The following MGLL variants were observed in gnomAD, a reference collection of about 807,000 sequenced individuals.
MGLL encodes the protein monoglyceride lipase.
In MGLL, 7 loss-of-function variants were observed where a neutral mutation model predicts 29.1. The observed-to-expected ratio is 0.24, with a 90% CI of 0.14 to 0.45. MGLL has a LOEUF of 0.45. MGLL is among the 20% of genes least tolerant of loss of function. The probability of loss-of-function intolerance (pLI) is 0.99; values close to 1 mark genes in which losing one functional copy is unlikely to be tolerated. For missense variants in MGLL, 356 were observed against 413.6 expected (o/e 0.86, Z 1.21); for synonymous variants, 148 against 168.3 (o/e 0.88, Z 0.93).
At chr3:127,750,257 A>G (rs900200255) in intron 3 of MGLL, among the ~76,000 whole-genome samples, 8 of 152,094 alleles carry the variant, frequency 5.3e-5, no homozygotes, top group African/African-American at 1.9e-4. Context: ...GCTGTGGAGA[A>G]GGCATCTGAG....
chr3:127,753,958 G>T (rs1479157971), intron 3 of MGLL, among the ~76,000 whole-genome samples: 1 of 152,150 alleles, frequency 6.6e-6, no homozygotes, highest in Admixed American at 6.5e-5. Flanking sequence ...CTTCCTCAGG[G>T]GTCACTTCCT....
chr3:127,694,285 A>AAG, intron 7 of MGLL, among the ~76,000 whole-genome samples: 1 of 112,200 alleles, frequency 8.9e-6, no homozygotes, highest in South Asian at 2.9e-4. Context: ...AAAAAAAAAA[A>AAG]AATATATATA....
chr3:127,762,916 T>C (rs1032232765), intron 3 of MGLL, among the ~76,000 whole-genome samples: 1 of 152,158 alleles, frequency 6.6e-6, no homozygotes, highest in African/African-American at 2.4e-5. Context: ...TCAGGCCAGG[T>C]CTGTGTTTGT....
intron 3 of MGLL, among the ~76,000 whole-genome samples, chr3:127,777,988 A>G (rs1281942104): frequency 6.6e-6 from 1 of 152,218 alleles, no homozygotes; most frequent in African/African-American, 2.4e-5. Context: ...TGGAGAACAA[A>G]GTTAAATTAG....
intron 2 of MGLL, among the ~76,000 whole-genome samples, chr3:127,820,604 T>A (rs981508555): frequency 7.2e-5 from 11 of 152,186 alleles, no homozygotes; most frequent in Non-Finnish European, 1.6e-4. Context: ...GCCAGTTAAG[T>A]CAGAGTGGAG....
At chr3:127,703,167 C>A (rs904357983) in intron 6 of MGLL, among the ~76,000 whole-genome samples, 6 of 152,192 alleles carry the variant, frequency 3.9e-5, no homozygotes, top group Non-Finnish European at 8.8e-5. Context: ...AAAAAGTCAA[C>A]CTCTTTCTGT....
intron 3 of MGLL, among the ~76,000 whole-genome samples, chr3:127,769,144 G>A (rs558171292): frequency 1.3e-5 from 2 of 152,300 alleles, no homozygotes; most frequent in East Asian, 1.9e-4. Flanking sequence ...CTGATGCCAG[G>A]AGTTTGAGGC....
At chr3:127,729,818 C>CCCCA (rs953621298) in intron 3 of MGLL, among the ~76,000 whole-genome samples, 46 of 152,194 alleles carry the variant, frequency 3.0e-4, no homozygotes, top group African/African-American at 1.1e-3. Flanking sequence ...ATGCAGGAGG[C>CCCCA]CCCAGGTCAC....
At chr3:127,742,712 G>A (rs1282215088) in intron 3 of MGLL, among the ~76,000 whole-genome samples, 2 of 151,878 alleles carry the variant, frequency 1.3e-5, no homozygotes, top group East Asian at 1.9e-4. Context: ...TCTACCTTTG[G>A]TGGGGAGAGA....
chr3:127,747,233 G>A (rs550565155), intron 3 of MGLL, among the ~76,000 whole-genome samples: 126 of 152,258 alleles, frequency 8.3e-4, no homozygotes, highest in African/African-American at 2.8e-3. Flanking sequence ...CCTCCAGGCA[G>A]CAACCACTCA....
At chr3:127,732,579 C>T (rs894793218) in intron 3 of MGLL, among the ~76,000 whole-genome samples, 7 of 152,162 alleles carry the variant, frequency 4.6e-5, no homozygotes, top group Admixed American at 3.9e-4. Context: ...ACGCCCAGAC[C>T]CCAGGGCTTG....
chr3:127,733,926 A>G (rs1471468868), intron 3 of MGLL, among the ~76,000 whole-genome samples: 2 of 152,180 alleles, frequency 1.3e-5, no homozygotes, highest in African/African-American at 2.4e-5. Flanking sequence ...AGAGCCCAGT[A>G]AAGAGGGCAG....
chr3:127,693,461 G>A (rs911811968), intron 7 of MGLL, among the ~76,000 whole-genome samples: 8 of 152,214 alleles, frequency 5.3e-5, no homozygotes, highest in East Asian at 3.9e-4. Flanking sequence ...CCTGCCCCCC[G>A]CCACCAGCGT....
In MGLL at chr3:127,793,608, C is replaced by A. The variant is rs150660303; in HGVS notation, c.156-11713G>T. ...CGAAGTCTTGCTCTTGTCCCCCAGG[C>A]TGGAGTGTGATGGTGCAATCTCGGC... On this transcript the variant is annotated intron_variant, in intron 2 of 7. Coordinates refer to ENST00000265052, the MANE Select transcript of MGLL (RefSeq NM_007283.7). 7.6e-3 allele frequency among the ~76,000 whole-genome samples: 1,155 copies of A among 152,314 alleles called. 17 individuals carry two copies. Among genetic ancestry groups the A allele is most frequent in the African/African-American group, 0.026 (1,094 of 41,564 alleles).
intron 5 of MGLL, chr3:127,715,577 T>C (rs542092641): frequency 2.4e-6 from 1 of 423,020 alleles, no homozygotes; most frequent in South Asian, 1.7e-5. Flanking sequence ...TTCATGAGCC[T>C]AATCTCTCCT....
chr3:127,694,289 ATAT>A (rs1559902064), intron 7 of MGLL, among the ~76,000 whole-genome samples: 2,231 of 85,664 alleles, frequency 0.026, 91 homozygotes, highest in Middle Eastern at 0.076. Flanking sequence ...AAAAAAAAAT[ATAT>A]ATATATATAT....
At chr3:127,766,446 T>C (rs1351568281) in intron 3 of MGLL, among the ~76,000 whole-genome samples, 1 of 152,188 alleles carries the variant, frequency 6.6e-6, no homozygotes, top group South Asian at 2.1e-4. Context: ...GTAGTGCCCC[T>C]GGCTCTTTTC....
chr3:127,769,742 G>A lies in MGLL; in HGVS notation c.262+12047C>T, dbSNP rs546666334. On this transcript the variant is annotated intron_variant, in intron 3 of 7. Transcript: ENST00000265052. ...TCAGCATTTCCCCAGTGCCCAGACA[G>A]TGCAGGCACATAGTGAGTTTCAATA... Among the ~76,000 whole-genome samples, 3 of 152,374 alleles carry A rather than the reference G, an allele frequency of 2.0e-5. No homozygotes were observed. The South Asian group carries it at 6.2e-4, about 32-fold the overall frequency.
intron 3 of MGLL, among the ~76,000 whole-genome samples, chr3:127,770,936 A>T (rs1236484286): frequency 6.6e-6 from 1 of 151,960 alleles, no homozygotes; most frequent in Non-Finnish European, 1.5e-5. Flanking sequence ...TCGAGGTCAT[A>T]AGGCTGGGAG....
Sources: allele counts gnomAD v4.1 joint callset (sites outside exome capture counted in the v4.1 genomes callset), GRCh38; gene constraint gnomAD v4.1.1; transcripts MANE v1.5; gene names NCBI Gene and HGNC (gene_info 2026-07-23, HGNC 2026-07-21).